The following DLGAP1 variants were observed in gnomAD, a reference collection of about 807,000 sequenced individuals.
DLGAP1 encodes disks large-associated protein 1.
In DLGAP1, 11 loss-of-function variants were observed where a neutral mutation model predicts 90.8. The observed-to-expected ratio is 0.12, with a 90% CI of 0.08 to 0.20. The LOEUF is 0.20. Among genes scored for constraint, DLGAP1 ranks in the 10% least tolerant of loss-of-function variants. The pLI, the probability that DLGAP1 is intolerant of heterozygous loss-of-function variation, is 1.00. For missense variants in DLGAP1, 1,050 were observed against 1,333.8 expected (o/e 0.79, Z 3.31); for synonymous variants, 558 against 540.7 (o/e 1.03, Z -0.44).
At chr18:4,228,361 T>C (rs1000424752) in intron 1 of DLGAP1, among the ~76,000 whole-genome samples, 2 of 151,932 alleles carry the variant, frequency 1.3e-5, no homozygotes, top group Non-Finnish European at 2.9e-5. Flanking sequence ...ATTGTCCTGA[T>C]ACCAAAACAA....
intron 1 of DLGAP1, among the ~76,000 whole-genome samples, chr18:4,285,326 T>C (rs1222732093): frequency 1.3e-5 from 2 of 151,808 alleles, no homozygotes; most frequent in African/African-American, 4.8e-5. Flanking sequence ...AATCCCAAAA[T>C]GAGACTCAAG....
chr18:3,847,724 C>G (rs937429613), intron 4 of DLGAP1, among the ~76,000 whole-genome samples: 4 of 151,972 alleles, frequency 2.6e-5, no homozygotes. Flanking sequence ...TTGAAGTATT[C>G]CAATGAAAGA....
chr18:3,809,340 A>G (rs2066716930), intron 5 of DLGAP1, among the ~76,000 whole-genome samples: 2 of 152,242 alleles, frequency 1.3e-5, no homozygotes, highest in African/African-American at 4.8e-5. Context: ...CAAAAGGCAC[A>G]CAGCTACTTA....
At chr18:3,981,812 A>C (rs151304950) in intron 3 of DLGAP1, among the ~76,000 whole-genome samples, 1 of 152,292 alleles carries the variant, frequency 6.6e-6, no homozygotes, top group East Asian at 1.9e-4. Context: ...TGTATATGAA[A>C]TATAGTGATG....
At chr18:4,015,163 A>G (rs2074499950) in intron 2 of DLGAP1, among the ~76,000 whole-genome samples, 1 of 152,192 alleles carries the variant, frequency 6.6e-6, no homozygotes, top group Admixed American at 6.5e-5. Flanking sequence ...CTGGAAAAAC[A>G]CTTAGAGAGA....
chr18:4,330,721 G>C (rs34626847), intron 1 of DLGAP1, among the ~76,000 whole-genome samples: 9,621 of 151,866 alleles, frequency 0.063, 425 homozygotes, highest in Non-Finnish European at 0.099. Context: ...TTTGTGGTCA[G>C]AGATTATACT....
rs528120263 is a variant in DLGAP1 at position 3,547,268 on chromosome 18, C to G, written c.2058-12653G>C. Among the ~76,000 whole-genome samples the G allele has an allele frequency of 9.9e-5, 14 of 142,030 alleles. No individual in the cohort carries two copies. In the South Asian group the frequency reaches 2.4e-3, roughly 24 times the overall value. 93.2% of individuals were successfully genotyped at this position (142,030 alleles called of 152,430 possible). ...AGCAAGCCGAGATCGCGCCACTGCA[C>G]TCCAGCCTGGGCAATAGAGCGAGAC... On this transcript the variant is annotated intron_variant, in intron 9 of 12. Transcript: ENST00000315677.
chr18:4,453,842 G>A (rs995392461), intron 1 of DLGAP1, among the ~76,000 whole-genome samples: 11 of 152,200 alleles, frequency 7.2e-5, no homozygotes, highest in African/African-American at 2.2e-4. Flanking sequence ...TCAGGAGTAA[G>A]GAGTGAAGAG....
chr18:4,027,260 C>T (rs554227523), intron 2 of DLGAP1, among the ~76,000 whole-genome samples: 3 of 151,966 alleles, frequency 2.0e-5, no homozygotes, highest in African/African-American at 7.2e-5. Context: ...AATCCCAGCA[C>T]TTTGGGAGGC....
chr18:4,272,273 G>A (rs954582417), intron 1 of DLGAP1, among the ~76,000 whole-genome samples: 1 of 152,160 alleles, frequency 6.6e-6, no homozygotes, highest in African/African-American at 2.4e-5. Context: ...CTCATCTGCA[G>A]CTTTTTTGAA....
chr18:3,569,801 C>T (rs912988240), intron 8 of DLGAP1, among the ~76,000 whole-genome samples: 5 of 151,968 alleles, frequency 3.3e-5, no homozygotes, highest in African/African-American at 1.2e-4. Context: ...ACTTTACTCA[C>T]ATATATTTCC....
chr18:4,358,142 C>T (rs1392742617), intron 1 of DLGAP1, among the ~76,000 whole-genome samples: 1 of 152,034 alleles, frequency 6.6e-6, no homozygotes, highest in Non-Finnish European at 1.5e-5. Context: ...ACAAAACAGC[C>T]AATAATCGTG....
chr18:4,027,503 C>CAAA lies in DLGAP1; in HGVS notation c.-158-22305_-158-22303dup, dbSNP rs59592467. Among the ~76,000 whole-genome samples the CAAA allele has an allele frequency of 1.4e-3, 77 of 55,614 alleles. 1 individual carries two copies. Among genetic ancestry groups the CAAA allele is most frequent in the Non-Finnish European group, 1.7e-3 (55 of 32,184 alleles). 36.5% of individuals were successfully genotyped at this position (55,614 alleles called of 152,430 possible). Reference sequence around the variant, plus strand: ...TAGGTGACAGAGCAAGACTCCGTCTCAAAAAAAAAAAAAAAAAAAAAAAAA... The same window carrying CAAA: ...TAGGTGACAGAGCAAGACTCCGTCTCAAAAAAAAAAAAAAAAAAAAAAAAAAAA... On this transcript the variant is annotated intron_variant, in intron 2 of 12. Coordinates refer to ENST00000315677, the MANE Select transcript of DLGAP1 (RefSeq NM_004746.4).
intron 3 of DLGAP1, among the ~76,000 whole-genome samples, chr18:3,929,848 A>G (rs2072477408): frequency 6.6e-6 from 1 of 152,242 alleles, no homozygotes; most frequent in Admixed American, 6.5e-5. Context: ...GTAGATAAAT[A>G]TTTGTACATG....
At chr18:3,545,541 T>C (rs2052963545) in intron 9 of DLGAP1, among the ~76,000 whole-genome samples, 2 of 152,074 alleles carry the variant, frequency 1.3e-5, no homozygotes, top group South Asian at 4.1e-4. Flanking sequence ...ATATTGCCTA[T>C]GAAAAACCTA....
intron 1 of DLGAP1, among the ~76,000 whole-genome samples, chr18:4,223,529 A>C (rs2078122926): frequency 6.6e-6 from 1 of 152,182 alleles, no homozygotes; most frequent in Non-Finnish European, 1.5e-5. Context: ...TGTTTACAGG[A>C]AATAATCTAG....
chr18:4,269,715 T>A (rs1193301543), intron 1 of DLGAP1, among the ~76,000 whole-genome samples: 1 of 151,886 alleles, frequency 6.6e-6, no homozygotes, highest in African/African-American at 2.4e-5. Flanking sequence ...GCCATTGACA[T>A]AGTCTATAAT....
chr18:3,909,460 G>A (rs1406572662), intron 3 of DLGAP1, among the ~76,000 whole-genome samples: 1 of 152,060 alleles, frequency 6.6e-6, no homozygotes, highest in Admixed American at 6.6e-5. Context: ...GTTCCAAAAG[G>A]GACCGACTGT....
chr18:4,166,537 CA>C (rs1469235847), intron 1 of DLGAP1, among the ~76,000 whole-genome samples: 1 of 152,160 alleles, frequency 6.6e-6, no homozygotes, highest in African/African-American at 2.4e-5. Context: ...CATGATCTGG[CA>C]ATTCCTCTTC....
Sources: allele counts gnomAD v4.1 joint callset (sites outside exome capture counted in the v4.1 genomes callset), GRCh38; gene constraint gnomAD v4.1.1; transcripts MANE v1.5; gene names NCBI Gene and HGNC (gene_info 2026-07-23, HGNC 2026-07-21).